The following PSMG4 variants were observed in gnomAD, a reference collection of about 807,000 sequenced individuals.
The protein encoded by PSMG4 is proteasome (prosome, macropain) assembly chaperone 4.
A neutral mutation model predicts 11.0 loss-of-function variants in PSMG4; 10 were observed. The ratio of observed to expected loss-of-function variants is 0.91; its 90% CI spans 0.56 to 1.54. The LOEUF is 1.54. Among genes scored for constraint, PSMG4 ranks in the 40% most tolerant of loss-of-function variants. The pLI is 0.00. For synonymous variants in PSMG4, 95 were observed against 71.3 expected, an observed-to-expected ratio of 1.33 and a Z score of -1.68; for missense variants, 198 against 160.9, an observed-to-expected ratio of 1.23 and a Z score of -1.25.
chr6:3,264,323 C>G, intron 2 of PSMG4: 2 of 1,549,876 alleles, frequency 1.3e-6, no homozygotes, highest in South Asian at 2.4e-5. Flanking sequence ...TCCTGTGGGC[C>G]AGGTAAGGCT....
At chr6:3,264,051 A>G (rs1228651417) in intron 2 of PSMG4, 1 of 1,396,494 alleles carries the variant, frequency 7.2e-7, no homozygotes, top group East Asian at 2.5e-5. Flanking sequence ...TAAGTGCATC[A>G]CCACCTCCTG....
chr6:3,259,154 G>C lies in PSMG4; in HGVS notation c.132G>C (p.Thr44=), dbSNP rs1757867908. 3.8e-6 allele frequency: 5 copies of C among 1,306,340 alleles called. No individual in the cohort carries two copies. Among genetic ancestry groups the C allele is most frequent in the Non-Finnish European group, 4.9e-6 (5 of 1,027,538 alleles). 80.9% of individuals were successfully genotyped at this position (1,306,340 alleles called of 1,614,324 possible). A position where few individuals can be genotyped will look rare whatever the true frequency, so the allele number is the denominator to read the frequency against. Reference sequence around the variant, plus strand: ...CGCTGTTCCTGTGGGTGGGGGCCACGCCGCACCTGCGCAACCTCGCCGTGG... The same window carrying C: ...CGCTGTTCCTGTGGGTGGGGGCCACCCCGCACCTGCGCAACCTCGCCGTGG... ...TDSLFLWVGA[T]PHLRNLAVAM... is the part of the protein sequence containing the mutation. The change falls in exon 1 of 3, where the codon ACG becomes ACC. Residue 44 remains threonine (T), a synonymous_variant. Coordinates refer to ENST00000438998, the MANE Select transcript of PSMG4 (RefSeq NM_001128591.2).
chr6:3,267,871 A>C lies in PSMG4; in HGVS notation c.*159A>C, dbSNP rs751497416. ...GCAGTGTGTGGGCCAAAAGGCTCATACTGACCCACCTGGTGAAGGAGAGGC... is the reference window on the plus strand; with the variant it reads ...GCAGTGTGTGGGCCAAAAGGCTCATCCTGACCCACCTGGTGAAGGAGAGGC... On this transcript the variant is annotated 3_prime_UTR_variant, in exon 3 of 3. Transcript: ENST00000438998. The C allele has an allele frequency of 1.0e-5, 7 of 680,422 alleles. No homozygotes were observed. The highest frequency in any genetic ancestry group is 1.7e-5 in the Non-Finnish European group (7 of 419,524). 42.1% of individuals were successfully genotyped at this position (680,422 alleles called of 1,614,324 possible).
At chr6:3,255,895 G>A (rs906285947), upstream of PSMG4, among the ~76,000 whole-genome samples, 6 of 152,036 alleles carry the variant, frequency 3.9e-5, no homozygotes, top group African/African-American at 1.4e-4. Flanking sequence ...TCCTGATTGG[G>A]ATAGAAAACA....
At chr6:3,264,437 T>C (rs13193012) in intron 2 of PSMG4, 1,092,043 of 1,455,898 alleles carry the variant, frequency 0.75, 410,304 homozygotes, top group Non-Finnish European at 0.76. Flanking sequence ...CAGCTGCTTC[T>C]GCTCTGGAGT....
upstream of PSMG4, among the ~76,000 whole-genome samples, chr6:3,257,372 T>A (rs1757801192): frequency 6.6e-6 from 1 of 152,178 alleles, no homozygotes; most frequent in Non-Finnish European, 1.5e-5. Context: ...TTTTGAGACA[T>A]GTATAACCAG....
chr6:3,255,023 T>G (rs75355012), upstream of PSMG4: 9,581 of 1,548,560 alleles, frequency 6.2e-3, 516 homozygotes, highest in African/African-American at 0.12. Context: ...AGCGCTGGGA[T>G]AATGGCGCTT....
At chr6:3,254,656 G>A (rs1271492277), upstream of PSMG4, among the ~76,000 whole-genome samples, 1 of 152,154 alleles carries the variant, frequency 6.6e-6, no homozygotes, top group Non-Finnish European at 1.5e-5. Context: ...CTACAGCTTT[G>A]TTCCTTCAAG....
upstream of PSMG4, chr6:3,255,180 C>T (rs774573226): frequency 1.7e-5 from 27 of 1,550,682 alleles, no homozygotes; most frequent in South Asian, 2.3e-4. Context: ...TACATGTGCG[C>T]TCTGGTGGAA....
upstream of PSMG4, among the ~76,000 whole-genome samples, chr6:3,258,687 C>G (rs1267355253): frequency 6.6e-6 from 1 of 152,068 alleles, no homozygotes; most frequent in Non-Finnish European, 1.5e-5. Flanking sequence ...AGGGTGAGTT[C>G]TGCTGGGCGC....
chr6:3,260,686 A>G (rs767394991), intron 1 of PSMG4, among the ~76,000 whole-genome samples: 46 of 152,228 alleles, frequency 3.0e-4, no homozygotes, highest in Non-Finnish European at 5.7e-4. Flanking sequence ...TTTACAAACA[A>G]GGTCACATTC....
At chr6:3,266,792 AGGGAG>A (rs1758199004) in intron 2 of PSMG4, 1 of 152,086 alleles carries the variant, frequency 6.6e-6, no homozygotes, top group Non-Finnish European at 1.5e-5. Flanking sequence ...GAAACGTAGG[AGGGAG>A]GGAAGTGGAA....
upstream of PSMG4, chr6:3,255,177 G>C: frequency 6.4e-7 from 1 of 1,550,744 alleles, no homozygotes; most frequent in South Asian, 1.2e-5. Context: ...GCTTACATGT[G>C]CGCTCTGGTG....
upstream of PSMG4, among the ~76,000 whole-genome samples, chr6:3,254,691 AAAG>A (rs1757682534): frequency 6.6e-6 from 1 of 152,098 alleles, no homozygotes; most frequent in African/African-American, 2.4e-5. Context: ...AACTCAACAG[AAAG>A]AAGCTGTGGG....
Position 3,267,632 on chromosome 6 carries a change from CA to C in PSMG4, c.293del (p.Gln98ArgfsTer11), listed in dbSNP as rs1454883395. The C allele has an allele frequency of 3.2e-6, 5 of 1,551,896 alleles. No individual in the cohort carries two copies. The African/African-American group carries it at 4.1e-5, about 13-fold the overall frequency. On this transcript the variant is annotated frameshift_variant, in exon 3 of 3. Transcript: ENST00000438998. LOFTEE classifies it high-confidence loss of function. Reference sequence around the variant, plus strand: ...ACAGGTGTTTGTCAGCTATAACCTTCAGAACACAGACAGTAACTTCGCATTA... The same window carrying C: ...ACAGGTGTTTGTCAGCTATAACCTTCGAACACAGACAGTAACTTCGCATTA... Reference protein sequence around the residue: ...NKQVFVSYNLQNTDSNFALLV... With the variant: ...NKQVFVSYNLXNTDSNFALLV...
At chr6:3,255,122 A>G (rs1277284958), upstream of PSMG4, 9 of 1,550,934 alleles carry the variant, frequency 5.8e-6, no homozygotes, top group South Asian at 4.8e-5. Context: ...TCACCAGCTT[A>G]CCACGTATTG....
chr6:3,263,882 C>T (rs1758087042), intron 2 of PSMG4, 123 bp downstream of exon 2: 1 of 1,466,640 alleles, frequency 6.8e-7, no homozygotes, highest in South Asian at 1.4e-5. Flanking sequence ...CTCATTGCTG[C>T]TGGGAAGCAC....
At chr6:3,255,452 C>A (rs576300549), upstream of PSMG4, among the ~76,000 whole-genome samples, 1 of 79,398 alleles carries the variant, frequency 1.3e-5, no homozygotes, top group African/African-American at 2.5e-5. Flanking sequence ...CTCAGACCAC[C>A]ACCTCTTTTA....
At chr6:3,254,818 C>T (rs554425125), upstream of PSMG4, among the ~76,000 whole-genome samples, 94 of 152,324 alleles carry the variant, frequency 6.2e-4, no homozygotes, top group African/African-American at 2.1e-3. Context: ...GACACCAATT[C>T]TGGACACAGT....
Sources: allele counts gnomAD v4.1 joint callset (sites outside exome capture counted in the v4.1 genomes callset), GRCh38; gene constraint gnomAD v4.1.1; transcripts MANE v1.5; gene names NCBI Gene and HGNC (gene_info 2026-07-23, HGNC 2026-07-21).